Variants in SUPT5H observed in about 807,000 individuals in gnomAD.
SUPT5H encodes the protein transcription elongation factor SPT5.
Under a neutral mutation model 142.5 loss-of-function variants are expected in SUPT5H, and 24 were observed. The observed-to-expected ratio is 0.17, with a 90% confidence interval of 0.12 to 0.24. SUPT5H has a LOEUF of 0.24. SUPT5H is among the 10% of genes least tolerant of loss of function. The pLI is 1.00. For synonymous variants in SUPT5H, 546 were observed against 553.0 expected (o/e 0.99, Z 0.18); for missense variants, 893 against 1,471.8 (o/e 0.61, Z 6.43).
intron 2 of SUPT5H, among the ~76,000 whole-genome samples, chr19:39,446,634 C>T (rs2078957703): frequency 6.6e-6 from 1 of 152,154 alleles, no homozygotes; most frequent in African/African-American, 2.4e-5. Flanking sequence ...AGAGGCCAAG[C>T]TGGGAGGATC....
At position 39,473,529 on chromosome 19, in the gene SUPT5H, C is replaced by T. The variant is rs1205955023; in HGVS notation, c.2492+8C>T. The T allele has an allele frequency of 6.2e-7, 1 of 1,605,992 alleles. No homozygotes were observed. Among genetic ancestry groups the T allele is most frequent in the Non-Finnish European group, 8.5e-7 (1 of 1,178,998 alleles). On this transcript the variant is annotated splice_region_variant and intron_variant, in intron 25 of 29. Transcript: ENST00000432763. This position sits in a 1 kb window ranked among gnomAD's most constrained non-coding sequence, Gnocchi z 5.8. ...CCCCAACACGCCGTCACGGTGAGTC[C>T]AGGGTTCCCCAGGTTCTGGTGTGTG...
In SUPT5H at chr19:39,457,668, G is replaced by T. The variant is rs200900123; in HGVS notation, c.242-7G>T. The T allele has an allele frequency of 3.7e-6, 6 of 1,613,386 alleles. No individual in the cohort carries two copies. Among genetic ancestry groups the T allele is most frequent in the East Asian group, 4.5e-5 (2 of 44,842 alleles). ...TTGCCACTTACCACTTGGCCTTTCC[G>T]TTTTAGATGTTGACGATGAGTATGA... On this transcript the variant is annotated splice_polypyrimidine_tract_variant and splice_region_variant and intron_variant, in intron 3 of 29. Coordinates refer to ENST00000432763, the MANE Select transcript of SUPT5H (RefSeq NM_001111020.3).
intron 2 of SUPT5H, among the ~76,000 whole-genome samples, chr19:39,449,103 C>CA (rs1235421528): frequency 1.3e-5 from 2 of 148,708 alleles, no homozygotes; most frequent in African/African-American, 4.9e-5. Flanking sequence ...AAACAAAAAA[C>CA]AAAAAACAAA....
chr19:39,470,300 G>A lies in SUPT5H; in HGVS notation c.1530+26G>A, dbSNP rs142021624. On this transcript the variant is annotated intron_variant, in intron 17 of 29. Coordinates refer to ENST00000432763, the MANE Select transcript of SUPT5H (RefSeq NM_001111020.3). This position sits in a 1 kb window ranked among gnomAD's most constrained non-coding sequence, Gnocchi z 5.8. ...GTAGGTGGATAGAAGGGTCGGGGAAGGGTGCACGTGCCAAGAGGAGACCCA... is the reference window on the plus strand; with the variant it reads ...GTAGGTGGATAGAAGGGTCGGGGAAAGGTGCACGTGCCAAGAGGAGACCCA... 8.5e-3 allele frequency: 13,232 copies of A among 1,550,276 alleles called. 98 individuals are homozygous for A. Among genetic ancestry groups the A allele is most frequent in the Non-Finnish European group, 9.1e-3 (10,386 of 1,141,968 alleles).
Position 39,476,136 on chromosome 19 carries a change from G to A in SUPT5H, c.3080G>A (p.Ser1027Asn). The change falls in exon 29 of 30, where the codon AGT becomes AAT. Residue 1027 changes from serine to asparagine, a missense_variant. Physicochemically the swap from Ser to Asn is conservative, Grantham distance 46. Around this residue, in one of 6 missense-constraint regions of SUPT5H, gnomAD observed 336 missense variants for 546.5 expected, o/e 0.61. Transcript: ENST00000432763. ...KDSEKVVSIS[S>N]EHLEPITPTK... ...AGTGAGAAGGTTGTCAGCATTTCCA[G>A]TGAGCACCTGGAGCCTATCACCCCC... is the stretch of plus-strand genomic sequence containing the variant. 2 of 1,614,138 alleles carry A rather than the reference G, an allele frequency of 1.2e-6. No homozygotes were observed. Among genetic ancestry groups the A allele is most frequent in the South Asian group, 2.2e-5 (2 of 91,082 alleles).
chr19:39,460,677 G>A (rs964082837), intron 10 of SUPT5H, among the ~76,000 whole-genome samples: 1 of 152,088 alleles, frequency 6.6e-6, no homozygotes, highest in African/African-American at 2.4e-5. Flanking sequence ...AGAAGTTGCG[G>A]TGAGCCGAGA....
intron 2 of SUPT5H, among the ~76,000 whole-genome samples, chr19:39,446,348 G>C (rs2078954343): frequency 6.6e-6 from 1 of 152,138 alleles, no homozygotes; most frequent in Non-Finnish European, 1.5e-5. Context: ...AAAAATGTCT[G>C]CCTTCGGGAA....
chr19:39,476,172 A>G lies in SUPT5H; in HGVS notation c.3116A>G (p.Asn1039Ser). 1.2e-6 allele frequency: 2 copies of G among 1,613,920 alleles called. No individual in the cohort carries two copies. The highest frequency in any genetic ancestry group is 1.1e-5 in the South Asian group (1 of 91,058). The change falls in exon 29 of 30, where the codon AAC (asparagine) becomes AGC (serine). Residue 1039 changes from asparagine (N) to serine (S), a missense_variant. By Grantham distance (46) the Asn-to-Ser change is conservative (BLOSUM62 1). Transcript: ENST00000432763. ...GAGCCTATCACCCCCACCAAGAACA[A>G]CAAGGTAAGGGCAGGGGGCAAGGAG... Reference protein sequence around the residue: ...HLEPITPTKNNKVKVILGEDR... With the variant: ...HLEPITPTKNSKVKVILGEDR...
In SUPT5H at chr19:39,469,315, G is replaced by A. The variant is rs752115579; in HGVS notation, c.1291G>A (p.Gly431Ser). ...TGGGGACAACGTGGAGGTCTGTGAG[G>A]GTGAGCTCATCAACCTGCAGGGCAA... ...QPGDNVEVCE[G>S]ELINLQGKIL... Residue 431 changes from glycine to serine, a missense_variant, in exon 16 of 30, where the codon GGT becomes AGT. Around this residue, in one of 6 missense-constraint regions of SUPT5H, gnomAD observed 428 missense variants for 763.5 expected, o/e 0.56. Transcript: ENST00000432763. The surrounding 1 kb of genome is among the most constrained non-coding windows in gnomAD (Gnocchi z 5.1). The A allele has an allele frequency of 6.2e-7, 1 of 1,614,186 alleles. No individual in the cohort carries two copies. Among genetic ancestry groups the A allele is most frequent in the South Asian group, 1.1e-5 (1 of 91,076 alleles).
intron 9 of SUPT5H, 70 bp from the exon 10 acceptor site, chr19:39,459,822 C>T: frequency 6.5e-7 from 1 of 1,537,388 alleles, no homozygotes; most frequent in South Asian, 1.1e-5. Context: ...TTGCTGCTGT[C>T]TCCTTCCCCC....
Position 39,466,987 on chromosome 19 carries a change from G to T in SUPT5H, c.1037+242G>T. On this transcript the variant is annotated intron_variant, in intron 13 of 29. Transcript: ENST00000432763. The surrounding 1 kb of genome is among the most constrained non-coding windows in gnomAD (Gnocchi z 4.3). Reference sequence around the variant, plus strand: ...TTTGGAAGGCTAAGGCAGGAGGCTTGCTTGAGGCAAGGAGTTCGAGACCAG... The same window carrying T: ...TTTGGAAGGCTAAGGCAGGAGGCTTTCTTGAGGCAAGGAGTTCGAGACCAG... The T allele has an allele frequency of 1.9e-6, 1 of 520,180 alleles. No homozygotes were observed. The highest frequency in any genetic ancestry group is 2.7e-5 in the South Asian group (1 of 37,268). 32.2% of individuals were successfully genotyped at this position (520,180 alleles called of 1,614,324 possible). A position where few individuals can be genotyped will look rare whatever the true frequency, so the allele number is the denominator to read the frequency against.
chr19:39,446,045 G>T, intron 2 of SUPT5H, 80 bp downstream of exon 2: 1 of 1,452,596 alleles, frequency 6.9e-7, no homozygotes, highest in Non-Finnish European at 9.4e-7. Context: ...GGAGGCTCGA[G>T]GGGTTCACAG....
intron 2 of SUPT5H, among the ~76,000 whole-genome samples, chr19:39,452,677 G>T (rs2079035562): frequency 1.3e-5 from 2 of 152,092 alleles, no homozygotes; most frequent in Admixed American, 1.3e-4. Context: ...GTCCACCACC[G>T]CCAAGGGAGA....
At position 39,458,212 on chromosome 19, in the gene SUPT5H, C is replaced by A; in HGVS notation, c.308-82C>A. On this transcript the variant is annotated intron_variant, in intron 4 of 29. Coordinates refer to ENST00000432763, the MANE Select transcript of SUPT5H (RefSeq NM_001111020.3). This position sits in a 1 kb window ranked among gnomAD's most constrained non-coding sequence, Gnocchi z 4.2. ...TTGATTTTGCTGCTATAATTTGGCTCATACTTTGTCTGCCCTCGCCCACCA... is the reference window on the plus strand; with the variant it reads ...TTGATTTTGCTGCTATAATTTGGCTAATACTTTGTCTGCCCTCGCCCACCA... The A allele has an allele frequency of 6.4e-7, 1 of 1,557,456 alleles. No individual in the cohort carries two copies. The highest frequency in any genetic ancestry group is 8.6e-7 in the Non-Finnish European group (1 of 1,157,616).
intron 20 of SUPT5H, 154 bp downstream of exon 20, chr19:39,471,884 G>A: frequency 8.8e-7 from 1 of 1,132,610 alleles, no homozygotes; most frequent in Non-Finnish European, 1.2e-6. Context: ...GGTTTATTTG[G>A]GATTCTGAGC....
rs182614826 is a variant in SUPT5H, at chr19:39,472,528, T to C, written c.2035+35T>C. 59 of 1,608,268 alleles carry C rather than the reference T, an allele frequency of 3.7e-5. No individual in the cohort carries two copies. In the African/African-American group the frequency reaches 7.9e-4, roughly 21 times the overall value. On this transcript the variant is annotated intron_variant, in intron 21 of 29. Transcript: ENST00000432763. The surrounding 1 kb of genome is among the most constrained non-coding windows in gnomAD (Gnocchi z 4.2). ...GTTCAGGGTCAGGGGATGTGGTGGGTAGAAGGGGCTGGAAGGAACTTGGTT... is the reference window on the plus strand; with the variant it reads ...GTTCAGGGTCAGGGGATGTGGTGGGCAGAAGGGGCTGGAAGGAACTTGGTT...
At chr19:39,468,383 A>T in intron 13 of SUPT5H, 1 of 241,878 alleles carries the variant, frequency 4.1e-6, no homozygotes, top group East Asian at 1.0e-4. Context: ...TGAAACTGTT[A>T]TTTTGTTCAG....
At chr19:39,475,976 A>T (rs887643389) in intron 28 of SUPT5H, 105 bp from the exon 29 acceptor site, 3 of 1,079,810 alleles carry the variant, frequency 2.8e-6, no homozygotes, top group Non-Finnish European at 4.0e-6. Context: ...CCCCCATTTC[A>T]CCTTGAGTTC....
At chr19:39,455,874 G>A (rs1202543540) in intron 3 of SUPT5H, among the ~76,000 whole-genome samples, 7 of 143,250 alleles carry the variant, frequency 4.9e-5, no homozygotes, top group Admixed American at 4.2e-4. Flanking sequence ...ACCCACCTTG[G>A]CCTCCCAAAG....
Sources: gnomAD v4.1 joint callset for allele counts (sites outside exome capture counted in the v4.1 genomes callset) on GRCh38, gnomAD v4.1.1 for gene constraint, gnomAD v4.1.1 regional missense constraint, Gnocchi (gnomAD v3.1) non-coding constraint, MANE v1.5 for transcripts, NCBI Gene and HGNC (gene_info 2026-07-23, HGNC 2026-07-21) for gene names.